UIMC1: variants seen among roughly 807,000 people sequenced by gnomAD.
UIMC1 encodes the protein ubiquitin interaction motif containing 1.
A neutral mutation model predicts 84.9 loss-of-function variants in UIMC1; 42 were observed. The observed-to-expected ratio is 0.49, with a 90% CI of 0.39 to 0.64. The LOEUF (loss-of-function observed/expected upper bound fraction) is 0.64. Among genes scored for constraint, UIMC1 ranks in the 30% least tolerant of loss-of-function variants. UIMC1 has a pLI of 0.00. For synonymous variants in UIMC1, 281 were observed against 293.0 expected (o/e 0.96, Z 0.42); for missense variants, 825 against 847.6 (o/e 0.97, Z 0.33).
rs1053195933 is a variant in UIMC1, at chr5:176,947,493, C to T, written c.1443+3981G>A. ...TGTATCTCCTAATGCTATCCCTCCCCGCTCGCCTTCTACTTCTTTTAAAAT... is the reference window on the plus strand; with the variant it reads ...TGTATCTCCTAATGCTATCCCTCCCTGCTCGCCTTCTACTTCTTTTAAAAT... On this transcript the variant is annotated intron_variant, in intron 9 of 14. Coordinates refer to ENST00000511320, the MANE Select transcript of UIMC1 (RefSeq NM_001199298.2). Among the ~76,000 whole-genome samples the T allele has an allele frequency of 7.9e-5, 12 of 152,148 alleles. 1 individual carries two copies. The highest frequency in any genetic ancestry group is 4.1e-4 in the South Asian group (2 of 4,826).
chr5:176,988,758 A>G (rs1273478484), intron 1 of UIMC1, among the ~76,000 whole-genome samples: 1 of 142,074 alleles, frequency 7.0e-6, no homozygotes, highest in Non-Finnish European at 1.5e-5. Context: ...ATCTCTGCTC[A>G]CTGCAGCCTC....
intron 1 of UIMC1, among the ~76,000 whole-genome samples, chr5:176,995,998 T>C (rs1465293732): frequency 1.3e-5 from 2 of 152,152 alleles, no homozygotes; most frequent in Non-Finnish European, 2.9e-5. Flanking sequence ...TGAATGTTCA[T>C]CATAGCAGCC....
At chr5:177,003,894 TA>T (rs1395150650) in intron 1 of UIMC1, among the ~76,000 whole-genome samples, 1 of 152,192 alleles carries the variant, frequency 6.6e-6, no homozygotes, top group Non-Finnish European at 1.5e-5. Flanking sequence ...AGTGGCATGA[TA>T]ATAGCTCACT....
At chr5:177,002,230 T>A (rs527465973) in intron 1 of UIMC1, 1 of 152,032 alleles carries the variant, frequency 6.6e-6, no homozygotes, top group South Asian at 2.1e-4. Context: ...GAGTTCGAGG[T>A]TGTGGTGAGC....
At chr5:176,993,259 C>T (rs572512412) in intron 1 of UIMC1, among the ~76,000 whole-genome samples, 1 of 152,178 alleles carries the variant, frequency 6.6e-6, no homozygotes, top group East Asian at 1.9e-4. Flanking sequence ...CAACACGGCT[C>T]ACCACAATCT....
At chr5:176,973,004 C>T (rs1769501279) in intron 3 of UIMC1, among the ~76,000 whole-genome samples, 1 of 151,040 alleles carries the variant, frequency 6.6e-6, no homozygotes, top group African/African-American at 2.4e-5. Flanking sequence ...CAACCTCTGC[C>T]TCCCAGGTTC....
At chr5:176,963,296 G>A (rs1379681105) in intron 6 of UIMC1, among the ~76,000 whole-genome samples, 6 of 152,014 alleles carry the variant, frequency 3.9e-5, no homozygotes, top group African/African-American at 7.2e-5. Flanking sequence ...CAAGGGGGGC[G>A]GATGCCTTGA....
intron 9 of UIMC1, among the ~76,000 whole-genome samples, chr5:176,943,699 T>C (rs1764735431): frequency 6.6e-6 from 1 of 152,250 alleles, no homozygotes; most frequent in South Asian, 2.1e-4. Context: ...ACACTCTACA[T>C]GTATTACTCG....
chr5:176,977,600 AAAG>A (rs1770320584), intron 2 of UIMC1, among the ~76,000 whole-genome samples: 2 of 146,674 alleles, frequency 1.4e-5, no homozygotes, highest in African/African-American at 2.6e-5. Context: ...AAAAAAAAGA[AAAG>A]AAAAAAAAAA....
At chr5:176,983,532 A>G (rs1180079590) in intron 1 of UIMC1, among the ~76,000 whole-genome samples, 5 of 151,468 alleles carry the variant, frequency 3.3e-5, no homozygotes, top group Non-Finnish European at 5.9e-5. Flanking sequence ...CGCTCACTCA[A>G]TGCTCAATGT....
At position 176,940,662 on chromosome 5, in the gene UIMC1, T is replaced by C. The variant is rs147499506; in HGVS notation, c.1597+2673A>G. ...TCCTTCAGTGCTCTGCCACTAAAAG[T>C]GGTTGATAGCCAGATTTAGGTCCTC... On this transcript the variant is annotated intron_variant, in intron 10 of 14. Coordinates refer to ENST00000511320, the MANE Select transcript of UIMC1 (RefSeq NM_001199298.2). 8.4e-3 allele frequency among the ~76,000 whole-genome samples: 1,280 copies of C among 152,280 alleles called. 18 individuals carry two copies. The highest frequency in any genetic ancestry group is 0.029 in the African/African-American group (1,223 of 41,556).
At chr5:177,011,490 G>T (rs551364028), upstream of UIMC1, among the ~76,000 whole-genome samples, 246 of 152,112 alleles carry the variant, frequency 1.6e-3, no homozygotes, top group African/African-American at 5.7e-3. Flanking sequence ...GGCTAAGATG[G>T]GAGGATCCCT....
intron 1 of UIMC1, among the ~76,000 whole-genome samples, chr5:177,005,182 T>C (rs1775081864): frequency 2.0e-5 from 3 of 151,992 alleles, no homozygotes; most frequent in Admixed American, 6.6e-5. Context: ...CACGGGATCC[T>C]CCTGCCTCAG....
chr5:176,946,555 C>T (rs532302082), intron 9 of UIMC1, among the ~76,000 whole-genome samples: 188 of 151,866 alleles, frequency 1.2e-3, no homozygotes, highest in African/African-American at 4.3e-3. Flanking sequence ...AGAAAAATCA[C>T]CAGGTGCGAT....
intron 10 of UIMC1, among the ~76,000 whole-genome samples, chr5:176,939,001 C>T (rs1764074328): frequency 6.6e-6 from 1 of 151,358 alleles, no homozygotes; most frequent in South Asian, 2.1e-4. Context: ...ACCTGTAATC[C>T]CAACACTTTA....
intron 10 of UIMC1, among the ~76,000 whole-genome samples, chr5:176,921,103 T>C (rs1264815983): frequency 3.3e-5 from 5 of 152,314 alleles, no homozygotes; most frequent in South Asian, 4.1e-4. Flanking sequence ...AAACCAACCT[T>C]TCAGACTTTT....
At chr5:176,914,968 T>C (rs956253829) in intron 10 of UIMC1, among the ~76,000 whole-genome samples, 1 of 152,236 alleles carries the variant, frequency 6.6e-6, no homozygotes, top group Non-Finnish European at 1.5e-5. Flanking sequence ...CTTAAAAGGC[T>C]GGCACCTCAA....
chr5:176,934,854 A>T (rs1269061049), intron 10 of UIMC1, among the ~76,000 whole-genome samples: 1 of 152,190 alleles, frequency 6.6e-6, no homozygotes, highest in African/African-American at 2.4e-5. Context: ...GCTGGCAGCC[A>T]TTTTGCTTGT....
chr5:176,954,365 T>C (rs1042318290), intron 8 of UIMC1, among the ~76,000 whole-genome samples: 15 of 152,152 alleles, frequency 9.9e-5, no homozygotes, highest in Non-Finnish European at 2.2e-4. Flanking sequence ...GAGCACTCGG[T>C]AGTGTAGTCT....
Sources: gnomAD v4.1 joint callset for allele counts (sites outside exome capture counted in the v4.1 genomes callset) on GRCh38, gnomAD v4.1.1 for gene constraint, MANE v1.5 for transcripts, NCBI Gene and HGNC (gene_info 2026-07-23, HGNC 2026-07-21) for gene names.